Variants in SYTL5 observed in about 807,000 individuals in gnomAD.
The protein encoded by SYTL5 is synaptotagmin-like protein 5.
SYTL5 carries 34 observed loss-of-function variants against 55.9 expected under a neutral mutation model. The observed-to-expected ratio is 0.61, with a 90% CI of 0.46 to 0.81. The LOEUF (loss-of-function observed/expected upper bound fraction) is 0.81, where lower values mean the gene tolerates loss of function less well. Ranked by LOEUF, SYTL5 falls within the 30% of genes least tolerant of loss-of-function variation. The pLI is 0.00. For missense variants in SYTL5, 637 were observed against 546.7 expected (o/e 1.17, Z -1.65); for synonymous variants, 221 against 188.7 (o/e 1.17, Z -1.40).
the SYTL5 span, among the ~76,000 whole-genome samples, chrX:37,903,200 G>A: frequency 9.0e-6 from 1 of 110,721 alleles, no homozygotes; most frequent in African/African-American, 3.3e-5. Flanking sequence ...CCATTACTGG[G>A]TATATACCCA....
At chrX:37,909,343 T>C in the SYTL5 span, among the ~76,000 whole-genome samples, 1 of 112,686 alleles carries the variant, frequency 8.9e-6, no homozygotes, top group South Asian at 3.7e-4. Flanking sequence ...TGTCTTAGAT[T>C]TCTCATCAAT....
At chrX:37,944,788 A>G in the SYTL5 span, among the ~76,000 whole-genome samples, 2 of 112,491 alleles carry the variant, frequency 1.8e-5, no homozygotes, top group Admixed American at 1.9e-4. Flanking sequence ...ATTTTTCTAT[A>G]GAAGTAGAAT....
chrX:38,118,952 C>T (rs57240351), intron 13 of SYTL5, among the ~76,000 whole-genome samples: 19 of 89,666 alleles, frequency 2.1e-4, no homozygotes, highest in African/African-American at 6.3e-4. Flanking sequence ...TACGCATATA[C>T]ATATATATAT....
chrX:37,940,873 G>C, the SYTL5 span, among the ~76,000 whole-genome samples: 1 of 110,860 alleles, frequency 9.0e-6, no homozygotes, highest in Admixed American at 9.6e-5. Context: ...ACAGAGTCCA[G>C]TGAAAGAAAT....
intron 2 of SYTL5, among the ~76,000 whole-genome samples, chrX:38,043,690 T>TATATATATATATATATATATACAC (rs1366385489): frequency 8.6e-5 from 6 of 69,527 alleles, no homozygotes; most frequent in South Asian, 6.9e-4. Flanking sequence ...TATATATATA[T>TATATATATATATATATATATACAC]ACATATATAT....
chrX:37,985,773 T>G, the SYTL5 span, among the ~76,000 whole-genome samples: 1 of 111,750 alleles, frequency 8.9e-6, no homozygotes, highest in African/African-American at 3.2e-5. Context: ...TTATTTAAAA[T>G]GTATTACAAA....
At chrX:37,914,756 G>T in the SYTL5 span, among the ~76,000 whole-genome samples, 5 of 111,805 alleles carry the variant, frequency 4.5e-5, no homozygotes, top group African/African-American at 1.6e-4. Flanking sequence ...ATAATTTAAA[G>T]AAATGAAACC....
intron 13 of SYTL5, among the ~76,000 whole-genome samples, chrX:38,119,959 A>G (rs1479011663): frequency 8.9e-6 from 1 of 112,430 alleles, no homozygotes; most frequent in Non-Finnish European, 1.9e-5. Context: ...GACATCAAAG[A>G]TGACAGGGAG....
the SYTL5 span, among the ~76,000 whole-genome samples, chrX:37,964,921 G>C: frequency 9.1e-6 from 1 of 110,059 alleles, no homozygotes; most frequent in African/African-American, 3.3e-5. Flanking sequence ...TTGTGGCAGG[G>C]GTTGTCATGT....
intron 10 of SYTL5, 140 bp downstream of exon 10, chrX:38,102,574 T>TG: frequency 2.1e-6 from 1 of 465,437 alleles, no homozygotes; most frequent in Non-Finnish European, 3.7e-6. Flanking sequence ...GCTTGCCCTT[T>TG]GCCCACAGAG....
the SYTL5 span, among the ~76,000 whole-genome samples, chrX:37,995,272 G>T: frequency 1.1e-4 from 12 of 111,699 alleles, no homozygotes; most frequent in South Asian, 4.2e-3. Context: ...GGATAACAAA[G>T]GTCTGAAATC....
the SYTL5 span, among the ~76,000 whole-genome samples, chrX:37,963,983 G>A: frequency 8.9e-6 from 1 of 111,845 alleles, no homozygotes; most frequent in African/African-American, 3.3e-5. Flanking sequence ...ACGATCATGT[G>A]ATTTTTATCC....
chrX:38,051,258 T>C (rs769594022), intron 2 of SYTL5, among the ~76,000 whole-genome samples: 2 of 111,725 alleles, frequency 1.8e-5, no homozygotes, highest in East Asian at 2.8e-4. Flanking sequence ...GAAAGAGGTA[T>C]AAATTTCATT....
chrX:38,003,018 T>G (rs1933896070), upstream of SYTL5, among the ~76,000 whole-genome samples: 1 of 111,907 alleles, frequency 8.9e-6, no homozygotes, highest in African/African-American at 3.3e-5. Flanking sequence ...ATTTAAGTCT[T>G]TAATCCATCT....
chrX:38,108,509 C>A, intron 11 of SYTL5, 91 bp from the exon 12 acceptor site: 1 of 628,390 alleles, frequency 1.6e-6, no homozygotes, highest in Non-Finnish European at 2.5e-6. Flanking sequence ...GCTCACTGGC[C>A]CTTTGCCCCT....
At chrX:38,010,705 G>T (rs1934148954) in intron 1 of SYTL5, among the ~76,000 whole-genome samples, 1 of 111,553 alleles carries the variant, frequency 9.0e-6, no homozygotes, top group African/African-American at 3.3e-5. Context: ...TTGCATTTCA[G>T]AGGACAAGGG....
chrX:38,021,770 T>A (rs1037744384), intron 1 of SYTL5, among the ~76,000 whole-genome samples: 2 of 111,945 alleles, frequency 1.8e-5, no homozygotes, highest in Non-Finnish European at 3.8e-5. Context: ...TTCAGAACTC[T>A]TTTTTCCCTC....
the SYTL5 span, among the ~76,000 whole-genome samples, chrX:37,923,554 C>T: frequency 1.8e-4 from 19 of 108,302 alleles, no homozygotes; most frequent in Admixed American, 1.3e-3. Context: ...CATACATATA[C>T]GTATATATAT....
chrX:37,938,215 AT>A, the SYTL5 span, among the ~76,000 whole-genome samples: 19 of 112,020 alleles, frequency 1.7e-4, no homozygotes, highest in African/African-American at 6.2e-4. Flanking sequence ...TTATCTATGG[AT>A]GTCCTTTATT....
Sources: allele counts gnomAD v4.1 joint callset (sites outside exome capture counted in the v4.1 genomes callset), GRCh38; gene constraint gnomAD v4.1.1; transcripts MANE v1.5; gene names NCBI Gene and HGNC (gene_info 2026-07-23, HGNC 2026-07-21).